SPATA31H1: variants seen among roughly 807,000 people sequenced by gnomAD.
The protein encoded by SPATA31H1 is SPATA31 subfamily H member 1.
At chr2:27,548,126 C>T in the SPATA31H1 span, among the ~76,000 whole-genome samples, 77 of 151,590 alleles carry the variant, frequency 5.1e-4, no homozygotes, top group Admixed American at 2.0e-3. Context: ...GGACTACAGG[C>T]GCCTGCCACT....
the SPATA31H1 span, chr2:27,581,889 A>T: frequency 6.2e-7 from 1 of 1,611,612 alleles, no homozygotes; most frequent in Non-Finnish European, 8.5e-7. Flanking sequence ...CTCTGAGAGA[A>T]GACATCGCAG....
At chr2:27,561,772 G>T in the SPATA31H1 span, among the ~76,000 whole-genome samples, 1 of 152,116 alleles carries the variant, frequency 6.6e-6, no homozygotes, top group Non-Finnish European at 1.5e-5. Context: ...TGTGATCTCA[G>T]CTCAAAGCAA....
the SPATA31H1 span, among the ~76,000 whole-genome samples, chr2:27,540,407 C>T: frequency 2.7e-4 from 36 of 131,060 alleles, no homozygotes; most frequent in Non-Finnish European, 4.7e-4. Context: ...CTGACCCCCC[C>T]ACCTCCCTCC....
chr2:27,539,753 C>CCT, the SPATA31H1 span, among the ~76,000 whole-genome samples: 1 of 58,674 alleles, frequency 1.7e-5, no homozygotes, highest in Non-Finnish European at 3.0e-5. Flanking sequence ...GGGCTGACCC[C>CCT]CCCCGCCCCC....
At chr2:27,579,802 C>T in the SPATA31H1 span, 1 of 1,614,110 alleles carries the variant, frequency 6.2e-7, no homozygotes, top group Non-Finnish European at 8.5e-7. Flanking sequence ...CAGGCCAAGA[C>T]TGACTTCTCA....
the SPATA31H1 span, among the ~76,000 whole-genome samples, chr2:27,543,236 T>G: frequency 6.6e-6 from 1 of 152,060 alleles, no homozygotes; most frequent in Admixed American, 6.5e-5. Context: ...CTCAAACTTC[T>G]TTCATCCTCA....
the SPATA31H1 span, among the ~76,000 whole-genome samples, chr2:27,544,898 TG>T: frequency 3.9e-5 from 6 of 152,094 alleles, no homozygotes; most frequent in South Asian, 1.2e-3. Context: ...CTTGTTAATT[TG>T]GGGACCCAGC....
At chr2:27,582,544 ATTATTCATT>A in the SPATA31H1 span, 1 of 1,566,554 alleles carries the variant, frequency 6.4e-7, no homozygotes, top group Non-Finnish European at 8.6e-7. Flanking sequence ...GTCCGCCCCT[ATTATTCATT>A]GTCCTAAGTC....
chr2:27,538,681 A>G, the SPATA31H1 span, among the ~76,000 whole-genome samples: 1 of 151,838 alleles, frequency 6.6e-6, no homozygotes, highest in East Asian at 1.9e-4. Flanking sequence ...AAAATACTAA[A>G]TTAGCCAGGC....
the SPATA31H1 span, among the ~76,000 whole-genome samples, chr2:27,550,411 ATTTTTTTTTTTTTTT>A: frequency 3.2e-5 from 3 of 94,540 alleles, no homozygotes; most frequent in Non-Finnish European, 6.1e-5. Context: ...TGGGTGTTAA[ATTTTTTTTTTTTTTT>A]TTTTTTTTTT....
the SPATA31H1 span, among the ~76,000 whole-genome samples, chr2:27,539,757 CG>C: frequency 8.7e-4 from 51 of 58,608 alleles, 1 homozygote; most frequent in South Asian, 1.2e-3. Context: ...TGACCCCCCC[CG>C]CCCCCGGACG....
chr2:27,560,158 G>A, the SPATA31H1 span, among the ~76,000 whole-genome samples: 3 of 152,044 alleles, frequency 2.0e-5, no homozygotes, highest in Non-Finnish European at 4.4e-5. Context: ...GAGCCACCAT[G>A]CCTGGCATTT....
chr2:27,580,914 C>T, the SPATA31H1 span: 7 of 1,614,196 alleles, frequency 4.3e-6, no homozygotes, highest in Non-Finnish European at 4.2e-6. Flanking sequence ...TTACTCTTTC[C>T]AACCCAGACC....
the SPATA31H1 span, among the ~76,000 whole-genome samples, chr2:27,547,453 G>A: frequency 3.3e-5 from 5 of 151,942 alleles, no homozygotes; most frequent in Non-Finnish European, 7.4e-5. Context: ...GGGATTACAG[G>A]TGTGAGCCAC....
the SPATA31H1 span, chr2:27,580,116 C>G: frequency 6.2e-7 from 1 of 1,614,118 alleles, no homozygotes; most frequent in Non-Finnish European, 8.5e-7. Context: ...CTCAAAGTAT[C>G]GTGAAAGAGA....
At chr2:27,547,930 ATAGT>A in the SPATA31H1 span, among the ~76,000 whole-genome samples, 2 of 151,610 alleles carry the variant, frequency 1.3e-5, no homozygotes, top group Non-Finnish European at 2.9e-5. Context: ...CTCTTTAAAA[ATAGT>A]TAAACACAAT....
chr2:27,546,737 T>G, the SPATA31H1 span, among the ~76,000 whole-genome samples: 1 of 151,986 alleles, frequency 6.6e-6, no homozygotes, highest in Non-Finnish European at 1.5e-5. Context: ...TTTGCCATGT[T>G]GCCCAGTCTG....
chr2:27,538,691 C>T, the SPATA31H1 span, among the ~76,000 whole-genome samples: 1 of 151,976 alleles, frequency 6.6e-6, no homozygotes, highest in African/African-American at 2.4e-5. Context: ...ATTAGCCAGG[C>T]GTGGTGGCGT....
At chr2:27,548,660 A>G in the SPATA31H1 span, among the ~76,000 whole-genome samples, 1 of 151,146 alleles carries the variant, frequency 6.6e-6, no homozygotes, top group Non-Finnish European at 1.5e-5. Context: ...ATTATTATTT[A>G]TAGTCTGTTT....
Sources: allele counts gnomAD v4.1 joint callset (sites outside exome capture counted in the v4.1 genomes callset), GRCh38; gene constraint gnomAD v4.1.1; transcripts MANE v1.5; gene names NCBI Gene and HGNC (gene_info 2026-07-23, HGNC 2026-07-21).